PTPRS: variants seen among roughly 807,000 people sequenced by gnomAD.
PTPRS encodes protein tyrosine phosphatase receptor type S.
In PTPRS, 63 loss-of-function variants were observed where a neutral mutation model predicts 215.3. That is an observed-to-expected ratio of 0.29 (90% CI 0.24 to 0.36). PTPRS has a LOEUF of 0.36. PTPRS is among the 10% of genes least tolerant of loss of function. The pLI, the probability that PTPRS is intolerant of heterozygous loss-of-function variation, is 1.00. For missense variants in PTPRS, 2,258 were observed against 2,825.8 expected (o/e 0.80, Z 4.56); for synonymous variants, 1,404 against 1,191.4 (o/e 1.18, Z -3.68).
At chr19:5,286,468 A>C (rs2048360115) in intron 1 of PTPRS, 2 of 352,052 alleles carry the variant, frequency 5.7e-6, no homozygotes, top group Non-Finnish European at 1.1e-5. Flanking sequence ...CCCCACTATG[A>C]TGGTAACAGG....
intron 1 of PTPRS, among the ~76,000 whole-genome samples, chr19:5,309,658 G>A (rs994019296): frequency 1.3e-5 from 2 of 152,086 alleles, no homozygotes; most frequent in Non-Finnish European, 2.9e-5. Flanking sequence ...CATCTTCTCC[G>A]TCTTTACCGA....
chr19:5,222,856 CGGGCA>C lies in PTPRS; in HGVS notation c.2931_2935del (p.Ala978ArgfsTer3). 1 of 1,591,056 alleles carries C rather than the reference CGGGCA, an allele frequency of 6.3e-7. No individual in the cohort carries two copies. Among genetic ancestry groups the C allele is most frequent in the Non-Finnish European group, 8.5e-7 (1 of 1,175,018 alleles). The stretch of plus-strand genomic sequence containing the variant: ...AGCCGCTGCCGGCAGCTCAGTCTCT[CGGGCA>C]GGGCCCAGGGCACCGGCCTCCCGCA... On this transcript the variant is annotated frameshift_variant, in exon 18 of 38. Coordinates refer to ENST00000262963, the MANE Select transcript of PTPRS (RefSeq NM_002850.4). LOFTEE classifies it high-confidence loss of function.
chr19:5,222,420 A>C (rs1599459203), intron 18 of PTPRS, among the ~76,000 whole-genome samples, 200 bp from the exon 19 acceptor site: 1 of 140,270 alleles, frequency 7.1e-6, no homozygotes, highest in East Asian at 2.3e-4. Flanking sequence ...GGGAGACGGC[A>C]CGGGTGCAGA....
intron 12 of PTPRS, 125 bp from the exon 13 acceptor site, chr19:5,239,188 A>AGC: frequency 1.4e-6 from 1 of 690,436 alleles, no homozygotes; most frequent in East Asian, 3.2e-5. Context: ...AGAGAGAGAG[A>AGC]CAGAGAAATA....
At chr19:5,277,032 G>A (rs2047431366) in intron 2 of PTPRS, among the ~76,000 whole-genome samples, 2 of 150,388 alleles carry the variant, frequency 1.3e-5, no homozygotes, top group Admixed American at 1.3e-4. Flanking sequence ...CCCCTAAGAT[G>A]AATGGAGCTA....
At chr19:5,336,877 G>GGGCA in intron 1 of PTPRS, among the ~76,000 whole-genome samples, 1 of 152,170 alleles carries the variant, frequency 6.6e-6, no homozygotes, top group Admixed American at 6.5e-5. Flanking sequence ...GACGGAGGAA[G>GGGCA]GGCAACCTGC....
chr19:5,217,363 G>GTTTTT (rs1205440938), intron 25 of PTPRS, among the ~76,000 whole-genome samples: 1 of 152,146 alleles, frequency 6.6e-6, no homozygotes, highest in African/African-American at 2.4e-5. Flanking sequence ...TTCTCATTTG[G>GTTTTT]CTGAAAAACC....
rs1330507547 is a variant in PTPRS, at chr19:5,216,714, A to T, written c.4096+6T>A. 5.8e-6 allele frequency: 9 copies of T among 1,560,308 alleles called. No homozygotes were observed. Among genetic ancestry groups the T allele is most frequent in the Non-Finnish European group, 7.8e-6 (9 of 1,147,746 alleles). ...AAGGAAGCCAAAAACAGACACAAGA[A>T]CTAACTTTCAAAGTGAAACCCCGGC... On this transcript the variant is annotated splice_donor_region_variant and intron_variant, in intron 26 of 37. Coordinates refer to ENST00000262963, the MANE Select transcript of PTPRS (RefSeq NM_002850.4).
rs1012285125 is a variant in PTPRS at position 5,293,110 on chromosome 19, C to G, written c.-94-6876G>C. 1.3e-5 allele frequency: 2 copies of G among 151,562 alleles called. No individual in the cohort carries two copies. Among genetic ancestry groups the G allele is most frequent in the Non-Finnish European group, 3.0e-5 (2 of 67,774 alleles). 9.4% of individuals were successfully genotyped at this position (151,562 alleles called of 1,614,324 possible). A position where few individuals can be genotyped will look rare whatever the true frequency, so the allele number is the denominator to read the frequency against. On this transcript the variant is annotated intron_variant, in intron 1 of 37. Coordinates refer to ENST00000262963, the MANE Select transcript of PTPRS (RefSeq NM_002850.4). The surrounding 1 kb of genome is among the most constrained non-coding windows in gnomAD (Gnocchi z 8.4). ...ACAAAGCCCGGGGCGGCCCGGGCCT[C>G]GGGGTGGAAGGGGGTCCCGGGCGCA...
At chr19:5,304,058 G>A (rs535920525) in intron 1 of PTPRS, among the ~76,000 whole-genome samples, 20 of 152,180 alleles carry the variant, frequency 1.3e-4, no homozygotes, top group South Asian at 1.0e-3. Context: ...GTAATGATTC[G>A]TCTCTCAGCA....
chr19:5,340,123 G>A (rs949689010), intron 1 of PTPRS, among the ~76,000 whole-genome samples: 7 of 150,402 alleles, frequency 4.7e-5, no homozygotes, highest in African/African-American at 1.5e-4. Context: ...CAGCAGCCCT[G>A]GAGCCACCCC....
intron 28 of PTPRS, among the ~76,000 whole-genome samples, 176 bp from the exon 29 acceptor site, chr19:5,214,912 A>G (rs1271996239): frequency 1.3e-5 from 2 of 152,246 alleles, no homozygotes; most frequent in African/African-American, 4.8e-5. Context: ...TTGGGGCCAG[A>G]TCGCCCTCTG....
rs1466078745 is a variant in PTPRS, at chr19:5,229,608, G to A, written c.2232C>T (p.Pro744=). 6.3e-6 allele frequency: 9 copies of A among 1,420,728 alleles called. No individual in the cohort carries two copies. Among genetic ancestry groups the A allele is most frequent in the Middle Eastern group, 2.3e-4 (1 of 4,288 alleles). 88.0% of individuals were successfully genotyped at this position (1,420,728 alleles called of 1,614,324 possible). The part of the protein sequence containing the change: ...ATAIRVLWRS[P]APGRQHGQIR... ...TCTGGCCGTGCTGCCGGCCGGGCGC[G>A]GGCGAGCGCCACAGCACGCGGATGG... Residue 744 remains proline (P), a synonymous_variant, in exon 15 of 38, where the codon CCC becomes CCT. Coordinates refer to ENST00000262963, the MANE Select transcript of PTPRS (RefSeq NM_002850.4).
Position 5,218,522 on chromosome 19 carries a change from C to T in PTPRS, c.3946G>A (p.Asp1316Asn). ...YKNKPDSKRKDSEPRTKCLLN... is the reference protein window; with the variant it reads ...YKNKPDSKRKNSEPRTKCLLN... The stretch of plus-strand genomic sequence containing the variant: ...AGGCATTTGGTGCGGGGTTCTGAGT[C>T]CTTGCGTTTACTTTAGGAGAAGCAA... Residue 1316 changes from aspartate (D) to asparagine (N), a missense_variant, in exon 25 of 38, where the codon GAC becomes AAC. This residue lies in a region of PTPRS where 927 missense variants were observed against 1,125.9 expected (regional missense o/e 0.82). Transcript: ENST00000262963. The T allele has an allele frequency of 3.7e-6, 6 of 1,614,094 alleles. No homozygotes were observed. Among genetic ancestry groups the T allele is most frequent in the Non-Finnish European group, 5.1e-6 (6 of 1,179,996 alleles).
intron 1 of PTPRS, among the ~76,000 whole-genome samples, chr19:5,317,724 G>C (rs1007488712): frequency 2.0e-5 from 3 of 152,162 alleles, no homozygotes; most frequent in African/African-American, 7.2e-5. Context: ...AAGTAAGAGG[G>C]TGGGGTGTGT....
At chr19:5,246,904 A>AGAGAGAGAGAGAGG (rs2044543265) in intron 9 of PTPRS, among the ~76,000 whole-genome samples, 1 of 151,658 alleles carries the variant, frequency 6.6e-6, no homozygotes. Flanking sequence ...AGAGAGAGAG[A>AGAGAGAGAGAGAGG]AAGAGAGAGC....
intron 7 of PTPRS, among the ~76,000 whole-genome samples, chr19:5,260,155 C>T (rs573630853): frequency 3.3e-5 from 5 of 151,862 alleles, no homozygotes; most frequent in African/African-American, 9.7e-5. Context: ...AGCTGGAAGG[C>T]CCACTTTGCA....
intron 1 of PTPRS, among the ~76,000 whole-genome samples, chr19:5,307,114 G>A (rs2049522920): frequency 6.6e-6 from 1 of 152,178 alleles, no homozygotes; most frequent in African/African-American, 2.4e-5. Context: ...AGACCAGCCT[G>A]GCCAACATGG....
At chr19:5,247,853 G>A (rs542838348) in intron 9 of PTPRS, among the ~76,000 whole-genome samples, 211 of 152,060 alleles carry the variant, frequency 1.4e-3, no homozygotes, top group Non-Finnish European at 2.2e-3. Context: ...GTCGGCAGGC[G>A]TGGGAGTGGG....
Sources: gnomAD v4.1 joint callset for allele counts (sites outside exome capture counted in the v4.1 genomes callset) on GRCh38, gnomAD v4.1.1 for gene constraint, gnomAD v4.1.1 regional missense constraint, Gnocchi (gnomAD v3.1) non-coding constraint, MANE v1.5 for transcripts, NCBI Gene and HGNC (gene_info 2026-07-23, HGNC 2026-07-21) for gene names.